The following KLHL1 variants were observed in gnomAD, a reference collection of about 807,000 sequenced individuals.
KLHL1 encodes the protein kelch-like protein 1.
Under a neutral mutation model 77.7 loss-of-function variants are expected in KLHL1, and 47 were observed. The observed-to-expected ratio is 0.60, with a 90% CI of 0.48 to 0.77. KLHL1 has a LOEUF of 0.77. Ranked by LOEUF, KLHL1 falls within the 30% of genes least tolerant of loss-of-function variation. KLHL1 has a pLI of 0.00. For synonymous variants in KLHL1, 360 were observed against 325.2 expected (o/e 1.11, Z -1.15); for missense variants, 925 against 910.8 (o/e 1.02, Z -0.20).
intron 5 of KLHL1, among the ~76,000 whole-genome samples, chr13:69,877,766 C>G (rs1880822759): frequency 6.6e-6 from 1 of 152,118 alleles, no homozygotes; most frequent in South Asian, 2.1e-4. Flanking sequence ...GCTTCTGAGT[C>G]TTTTTCATAC....
At chr13:70,027,388 G>GTT (rs5804461) in intron 1 of KLHL1, among the ~76,000 whole-genome samples, 4 of 151,612 alleles carry the variant, frequency 2.6e-5, no homozygotes, top group East Asian at 2.0e-4. Context: ...AGTGAATGTT[G>GTT]TTTTTTTCCC....
intron 6 of KLHL1, among the ~76,000 whole-genome samples, chr13:69,833,812 T>TAC (rs1157844555): frequency 5.0e-5 from 7 of 138,852 alleles, no homozygotes; most frequent in South Asian, 2.2e-4. Context: ...TATATATATA[T>TAC]ACACACACAC....
At chr13:69,827,647 G>A (rs986766126) in intron 6 of KLHL1, among the ~76,000 whole-genome samples, 3 of 149,702 alleles carry the variant, frequency 2.0e-5, no homozygotes, top group Non-Finnish European at 3.0e-5. Context: ...GGGGAATCTC[G>A]TGAACCCCAG....
intron 6 of KLHL1, among the ~76,000 whole-genome samples, chr13:69,798,021 G>A (rs915718184): frequency 2.5e-4 from 38 of 152,122 alleles, no homozygotes; most frequent in African/African-American, 8.9e-4. Context: ...AATTACTGGT[G>A]AGATTTGTTT....
At chr13:69,889,361 G>C (rs1037373440) in intron 4 of KLHL1, among the ~76,000 whole-genome samples, 1 of 151,920 alleles carries the variant, frequency 6.6e-6, no homozygotes, top group Non-Finnish European at 1.5e-5. Context: ...TTATTTTACC[G>C]GGGAGAATGC....
At chr13:69,775,852 T>TA (rs1875801298) in intron 7 of KLHL1, among the ~76,000 whole-genome samples, 1 of 151,844 alleles carries the variant, frequency 6.6e-6, no homozygotes, top group Non-Finnish European at 1.5e-5. Flanking sequence ...AACTGCATTT[T>TA]AAAAAAATTA....
At chr13:70,020,483 C>A (rs896343529) in intron 1 of KLHL1, among the ~76,000 whole-genome samples, 1 of 152,114 alleles carries the variant, frequency 6.6e-6, no homozygotes, top group Non-Finnish European at 1.5e-5. Flanking sequence ...TCTCTGCCTT[C>A]ATGTTAGGAG....
At chr13:70,011,153 T>G (rs1025644988) in intron 1 of KLHL1, among the ~76,000 whole-genome samples, 1 of 152,046 alleles carries the variant, frequency 6.6e-6, no homozygotes, top group African/African-American at 2.4e-5. Context: ...CAGAGAAAAT[T>G]TGGCAAATGA....
intron 1 of KLHL1, among the ~76,000 whole-genome samples, chr13:69,990,296 C>T (rs1160931582): frequency 6.6e-6 from 1 of 151,456 alleles, no homozygotes; most frequent in East Asian, 1.9e-4. Flanking sequence ...CAACACAATG[C>T]CTGGATAAAA....
At chr13:69,728,649 CAA>C (rs536317353) in intron 8 of KLHL1, among the ~76,000 whole-genome samples, 3 of 132,802 alleles carry the variant, frequency 2.3e-5, no homozygotes, top group Admixed American at 1.5e-4. Flanking sequence ...CTAAAAATGC[CAA>C]AAAAAAAAAA....
chr13:69,835,865 T>C (rs1878966309), intron 6 of KLHL1, among the ~76,000 whole-genome samples: 6 of 152,158 alleles, frequency 3.9e-5, no homozygotes, highest in African/African-American at 1.4e-4. Flanking sequence ...TAAATAAATA[T>C]ATAAATCTGA....
chr13:69,921,768 T>C (rs1325696034), intron 4 of KLHL1, among the ~76,000 whole-genome samples: 1 of 152,060 alleles, frequency 6.6e-6, no homozygotes, highest in Non-Finnish European at 1.5e-5. Flanking sequence ...TAGTGTCTAA[T>C]GAGAATTCAG....
At chr13:70,031,888 G>A (rs117557939) in intron 1 of KLHL1, among the ~76,000 whole-genome samples, 413 of 152,230 alleles carry the variant, frequency 2.7e-3, no homozygotes, top group Non-Finnish European at 4.9e-3. Context: ...GACAATAGCC[G>A]GGAAAAGAGC....
chr13:70,001,581 G>GTCTGTCTA (rs150381015), intron 1 of KLHL1, among the ~76,000 whole-genome samples: 36 of 146,734 alleles, frequency 2.5e-4, no homozygotes, highest in Non-Finnish European at 3.6e-4. Flanking sequence ...TGATCTATGT[G>GTCTGTCTA]TCTATCTATC....
chr13:70,075,418 T>C (rs1887237300), intron 1 of KLHL1, among the ~76,000 whole-genome samples: 1 of 151,094 alleles, frequency 6.6e-6, no homozygotes, highest in South Asian at 2.1e-4. Context: ...ATTTTCTGTA[T>C]AGAAAATTCC....
At position 69,885,936 on chromosome 13, in the gene KLHL1, T is replaced by C. The variant is rs573801899; in HGVS notation, c.1015-3441A>G. On this transcript the variant is annotated intron_variant, in intron 4 of 10. Transcript: ENST00000377844. ...CCAGAAAATGGGAAATGGAGACATA[T>C]AGTATTCTGGCCAGTGAAAACCATA... Among the ~76,000 whole-genome samples, 4 of 152,248 alleles carry C rather than the reference T, an allele frequency of 2.6e-5. No homozygotes were observed. The South Asian group carries it at 6.2e-4, about 24-fold the overall frequency.
At chr13:69,952,481 A>G (rs1364615772) in intron 3 of KLHL1, among the ~76,000 whole-genome samples, 1 of 151,384 alleles carries the variant, frequency 6.6e-6, no homozygotes, top group East Asian at 1.9e-4. Context: ...AATATGGGGT[A>G]GGACAGGTTC....
At chr13:69,982,083 T>C (rs1041893506) in intron 1 of KLHL1, among the ~76,000 whole-genome samples, 1 of 152,146 alleles carries the variant, frequency 6.6e-6, no homozygotes, top group Non-Finnish European at 1.5e-5. Flanking sequence ...TTAAAATAAC[T>C]TGTTATTATA....
Position 69,957,371 on chromosome 13 carries a change from TGTATTCTATCA to T in KLHL1, c.817+3926_817+3936del, listed in dbSNP as rs563416758. 1.7e-4 allele frequency among the ~76,000 whole-genome samples: 26 copies of T among 151,886 alleles called. No individual in the cohort carries two copies. In the East Asian group the frequency reaches 4.9e-3, roughly 28 times the overall value. On this transcript the variant is annotated intron_variant, in intron 3 of 10. Transcript: ENST00000377844. ...TTTAAAGGCTTATGACATTTTAAGC[TGTATTCTATCA>T]GTTTTCTATACAGATGGTTCCTGAC... is the stretch of plus-strand genomic sequence containing the variant.
Sources: gnomAD v4.1 joint callset for allele counts (sites outside exome capture counted in the v4.1 genomes callset) on GRCh38, gnomAD v4.1.1 for gene constraint, MANE v1.5 for transcripts, NCBI Gene and HGNC (gene_info 2026-07-23, HGNC 2026-07-21) for gene names.